Variants in MGAT4C observed in about 807,000 individuals in gnomAD.
MGAT4C encodes the protein alpha-1,3-mannosyl-glycoprotein 4-beta-N-acetylglucosaminyltransferase C.
Under a neutral mutation model 40.1 loss-of-function variants are expected in MGAT4C, and 19 were observed. That is an observed-to-expected ratio of 0.47 (90% CI 0.33 to 0.70). The LOEUF (loss-of-function observed/expected upper bound fraction) is 0.70. Ranked by LOEUF, MGAT4C falls within the 30% of genes least tolerant of loss-of-function variation. MGAT4C has a pLI of 0.02. For missense variants in MGAT4C, 491 were observed against 563.2 expected, an observed-to-expected ratio of 0.87 and a Z score of 1.30; for synonymous variants, 181 against 187.1, an observed-to-expected ratio of 0.97 and a Z score of 0.27.
At chr12:86,835,477 A>C (rs1953018995) in intron 1 of MGAT4C, among the ~76,000 whole-genome samples, 1 of 151,984 alleles carries the variant, frequency 6.6e-6, no homozygotes, top group Non-Finnish European at 1.5e-5. Context: ...GTTAGAATTT[A>C]AGGCCATATC....
intron 3 of MGAT4C, among the ~76,000 whole-genome samples, chr12:86,359,860 T>G (rs528634481): frequency 6.6e-6 from 1 of 152,184 alleles, no homozygotes; most frequent in Non-Finnish European, 1.5e-5. Flanking sequence ...CCAAAAAACG[T>G]CCAGGACCAG....
At chr12:86,608,676 T>C (rs951907359) in intron 2 of MGAT4C, among the ~76,000 whole-genome samples, 1 of 151,864 alleles carries the variant, frequency 6.6e-6, no homozygotes, top group African/African-American at 2.4e-5. Context: ...TTTCATAAAA[T>C]GTACTGCAAT....
chr12:86,062,229 A>C lies in MGAT4C; in HGVS notation c.-56-12506T>G, dbSNP rs577380787. ...CAGCCACCGCTGGTGATACCCCGGC[A>C]AACACGGTCTGGAATGGCCCTCCAG... On this transcript the variant is annotated intron_variant, in intron 1 of 4. Coordinates refer to ENST00000611864, the MANE Select transcript of MGAT4C (RefSeq NM_001351288.2). Among the ~76,000 whole-genome samples the C allele has an allele frequency of 1.1e-3, 160 of 152,308 alleles. 1 individual carries two copies. Among genetic ancestry groups the C allele is most frequent in the Non-Finnish European group, 1.8e-3 (120 of 68,022 alleles).
Position 86,171,417 on chromosome 12 carries a change from G to C in MGAT4C, c.-57+84822C>G, listed in dbSNP as rs149687223. Among the ~76,000 whole-genome samples, 421 of 152,236 alleles carry C rather than the reference G, an allele frequency of 2.8e-3. 2 individuals are homozygous for C. The highest frequency in any genetic ancestry group is 9.6e-3 in the African/African-American group (399 of 41,554). On this transcript the variant is annotated intron_variant, in intron 1 of 4. Transcript: ENST00000611864. Reference sequence around the variant, plus strand: ...AAAGATGTTTACTATCTTACATGGGGATACAACATGCAGATAAATAGCTAA... The same window carrying C: ...AAAGATGTTTACTATCTTACATGGGCATACAACATGCAGATAAATAGCTAA...
In MGAT4C at chr12:86,833,405, G is replaced by A. The variant is rs574428186; in HGVS notation, c.-262+5261C>T. 2.5e-3 allele frequency among the ~76,000 whole-genome samples: 374 copies of A among 151,942 alleles called. 1 individual carries two copies. Among genetic ancestry groups the A allele is most frequent in the Non-Finnish European group, 4.5e-3 (307 of 67,888 alleles). On this transcript the variant is annotated intron_variant, in intron 1 of 7. Transcript: ENST00000548651. ...ATAACAATGTACTACAGACTGGGTGGCTTAAATAACAGAAGTTTATTTTCT... is the reference window on the plus strand; with the variant it reads ...ATAACAATGTACTACAGACTGGGTGACTTAAATAACAGAAGTTTATTTTCT...
At chr12:86,571,652 T>C (rs1032830942) in intron 2 of MGAT4C, among the ~76,000 whole-genome samples, 4 of 152,110 alleles carry the variant, frequency 2.6e-5, no homozygotes, top group Non-Finnish European at 4.4e-5. Context: ...TATTTATATA[T>C]GTACATGTGG....
intron 3 of MGAT4C, among the ~76,000 whole-genome samples, chr12:86,369,718 C>T (rs1485089469): frequency 6.6e-6 from 1 of 151,910 alleles, no homozygotes; most frequent in East Asian, 1.9e-4. Context: ...ACAGCATTGA[C>T]AAACTACAAA....
chr12:86,033,067 AT>A (rs1890904481), intron 2 of MGAT4C, among the ~76,000 whole-genome samples: 1 of 149,368 alleles, frequency 6.7e-6, no homozygotes, highest in South Asian at 2.1e-4. Context: ...TCAAGGTCAG[AT>A]GGTTTTAGCT....
At chr12:86,436,715 T>C (rs1476242229) in intron 2 of MGAT4C, among the ~76,000 whole-genome samples, 2 of 151,746 alleles carry the variant, frequency 1.3e-5, no homozygotes, top group African/African-American at 4.8e-5. Flanking sequence ...AATATTTTTC[T>C]TTAAAAGAGG....
intron 2 of MGAT4C, among the ~76,000 whole-genome samples, chr12:86,539,217 T>C (rs1383738628): frequency 6.8e-6 from 1 of 147,516 alleles, no homozygotes; most frequent in Admixed American, 6.8e-5. Context: ...ACGTTCCCCT[T>C]CCCGTGTCCA....
At chr12:86,166,725 C>A (rs1886239725) in intron 1 of MGAT4C, among the ~76,000 whole-genome samples, 2 of 152,080 alleles carry the variant, frequency 1.3e-5, no homozygotes, top group South Asian at 4.1e-4. Flanking sequence ...TATGGTGTAA[C>A]AATACGTGAA....
chr12:86,784,717 G>A (rs1228491562), intron 1 of MGAT4C, among the ~76,000 whole-genome samples: 4 of 151,200 alleles, frequency 2.6e-5, no homozygotes, highest in Non-Finnish European at 5.9e-5. Flanking sequence ...TAGCCCTGAA[G>A]GAAGCAAAGA....
chr12:86,237,516 T>A (rs1176732642), intron 1 of MGAT4C, among the ~76,000 whole-genome samples: 1 of 151,942 alleles, frequency 6.6e-6, no homozygotes, highest in South Asian at 2.1e-4. Flanking sequence ...TAAAACTTTT[T>A]AAAATTGTCT....
intron 3 of MGAT4C, among the ~76,000 whole-genome samples, chr12:85,987,109 A>G (rs955704818): frequency 4.6e-4 from 65 of 142,128 alleles, no homozygotes; most frequent in African/African-American, 1.6e-3. Flanking sequence ...AGTATTTTAA[A>G]ATAATAATTT....
intron 1 of MGAT4C, among the ~76,000 whole-genome samples, chr12:86,734,763 T>G (rs1950959884): frequency 1.3e-5 from 2 of 152,038 alleles, no homozygotes; most frequent in African/African-American, 2.4e-5. Flanking sequence ...TAAATGATTG[T>G]TGTTGAAGTC....
Position 86,811,458 on chromosome 12 carries a change from C to G in MGAT4C, c.-262+27208G>C, listed in dbSNP as rs948779323. On this transcript the variant is annotated intron_variant, in intron 1 of 7. Coordinates refer to the MGAT4C transcript ENST00000548651. The stretch of plus-strand genomic sequence containing the variant: ...CCTACGTTAGGTAATTTTCCTGCCT[C>G]AGCCTCCAGAGTAGCTGGGATTACA... Among the ~76,000 whole-genome samples the G allele has an allele frequency of 2.0e-5, 3 of 149,890 alleles. 1 individual carries two copies. Among genetic ancestry groups the G allele is most frequent in the Non-Finnish European group, 4.5e-5 (3 of 67,364 alleles).
intron 2 of MGAT4C, among the ~76,000 whole-genome samples, chr12:86,679,094 G>C (rs111555329): frequency 0.037 from 5,655 of 151,640 alleles, 140 homozygotes; most frequent in Non-Finnish European, 0.046. Context: ...AGTACCTGTT[G>C]TTTCCTGACT....
intron 1 of MGAT4C, among the ~76,000 whole-genome samples, chr12:86,805,226 T>A (rs748343642): frequency 4.6e-5 from 7 of 151,966 alleles, no homozygotes; most frequent in Non-Finnish European, 5.9e-5. Context: ...TGTTTTTTAC[T>A]TTTATTTTAG....
chr12:86,444,922 C>G (rs997219285), intron 2 of MGAT4C, among the ~76,000 whole-genome samples: 4 of 151,946 alleles, frequency 2.6e-5, no homozygotes, highest in Non-Finnish European at 5.9e-5. Flanking sequence ...AGAAGCTAAA[C>G]AAAAAAGTAC....
Sources: allele counts gnomAD v4.1 joint callset (sites outside exome capture counted in the v4.1 genomes callset), GRCh38; gene constraint gnomAD v4.1.1; transcripts MANE v1.5; gene names NCBI Gene and HGNC (gene_info 2026-07-23, HGNC 2026-07-21).